TENM1: variants seen among roughly 807,000 people sequenced by gnomAD.
The protein encoded by TENM1 is teneurin-1.
TENM1 carries 35 observed loss-of-function variants against 174.8 expected under a neutral mutation model. The ratio of observed to expected loss-of-function variants is 0.20; its 90% CI spans 0.15 to 0.27. The LOEUF is 0.27. TENM1 is among the 10% of genes least tolerant of loss of function. The pLI is 1.00. For missense variants in TENM1, 1,633 were observed against 2,130.1 expected (o/e 0.77, Z 4.59); for synonymous variants, 781 against 798.7 (o/e 0.98, Z 0.37).
the TENM1 span, among the ~76,000 whole-genome samples, chrX:125,012,567 A>G: frequency 3.3e-3 from 366 of 112,027 alleles, 1 homozygote; most frequent in Non-Finnish European, 5.2e-3. Context: ...AGACAGTTCT[A>G]TAGTTTCTAA....
chrX:124,405,770 A>C (rs2060455839), intron 26 of TENM1, among the ~76,000 whole-genome samples: 2 of 110,920 alleles, frequency 1.8e-5, no homozygotes, highest in African/African-American at 6.6e-5. Context: ...GGCAGAGAGA[A>C]AGCAATTTCT....
intron 3 of TENM1, among the ~76,000 whole-genome samples, chrX:124,816,887 T>A (rs961835374): frequency 9.0e-6 from 1 of 111,213 alleles, no homozygotes; most frequent in African/African-American, 3.3e-5. Flanking sequence ...TTTCTTTTTT[T>A]AAAATTTAAA....
intron 22 of TENM1, among the ~76,000 whole-genome samples, chrX:124,454,935 T>C (rs964730785): frequency 2.7e-5 from 3 of 111,960 alleles, no homozygotes; most frequent in Non-Finnish European, 5.6e-5. Context: ...AACAAGCGTG[T>C]CCTTTTAGCA....
At chrX:124,646,896 G>T in intron 8 of TENM1, 86 bp from the exon 12 acceptor site, 1 of 647,107 alleles carries the variant, frequency 1.5e-6, no homozygotes, top group Non-Finnish European at 2.3e-6. Context: ...CAGGAACTCT[G>T]GACCTATGAC....
intron 8 of TENM1, 23 bp downstream of exon 11, chrX:124,651,891 A>G: frequency 1.7e-6 from 2 of 1,200,882 alleles, no homozygotes; most frequent in Non-Finnish European, 2.2e-6. Flanking sequence ...TGTCAATTCA[A>G]CATATTAGGC....
At chrX:124,652,312 A>G in intron 7 of TENM1, among the ~76,000 whole-genome samples, 188 bp from the exon 11 acceptor site, 1 of 111,089 alleles carries the variant, frequency 9.0e-6, no homozygotes, top group Non-Finnish European at 1.9e-5. Context: ...TAATCCCAAC[A>G]CTTTGGGAGG....
chrX:124,437,579 C>T (rs898475198), intron 23 of TENM1, among the ~76,000 whole-genome samples: 1 of 111,759 alleles, frequency 8.9e-6, no homozygotes, highest in South Asian at 3.8e-4. Flanking sequence ...CCATGTTATT[C>T]GGAGACACAA....
the TENM1 span, among the ~76,000 whole-genome samples, chrX:125,036,210 G>A: frequency 9.0e-6 from 1 of 111,495 alleles, no homozygotes; most frequent in Non-Finnish European, 1.9e-5. Context: ...ATTTCTACCT[G>A]ATTTCTCTTT....
chrX:124,524,296 A>G lies in TENM1; in HGVS notation c.2772-671T>C, dbSNP rs756267342. Among the ~76,000 whole-genome samples, 32 of 112,261 alleles carry G rather than the reference A, an allele frequency of 2.9e-4. No individual in the cohort carries two copies. The Admixed American group carries it at 2.9e-3, about 10-fold the overall frequency. On this transcript the variant is annotated intron_variant, in intron 16 of 31. Coordinates refer to ENST00000422452, the Ensembl canonical transcript of TENM1. ...GATAACAGAAAGATGACTATCTAACATTTAGCAGCATCTTTGAGAATGATG... is the reference window on the plus strand; with the variant it reads ...GATAACAGAAAGATGACTATCTAACGTTTAGCAGCATCTTTGAGAATGATG...
chrX:124,590,253 C>T (rs1446870862), intron 11 of TENM1, among the ~76,000 whole-genome samples: 1 of 111,350 alleles, frequency 9.0e-6, no homozygotes, highest in East Asian at 2.8e-4. Flanking sequence ...CCCAAAATCT[C>T]CTTAAGCTGA....
At chrX:124,795,555 GT>G (rs765812497) in intron 3 of TENM1, among the ~76,000 whole-genome samples, 5 of 111,454 alleles carry the variant, frequency 4.5e-5, no homozygotes, top group Non-Finnish European at 7.5e-5. Context: ...AATATAGCCT[GT>G]TTTTCTTTGT....
the TENM1 span, among the ~76,000 whole-genome samples, chrX:125,010,829 AC>A: frequency 3.4e-4 from 36 of 106,607 alleles, no homozygotes; most frequent in Non-Finnish European, 5.2e-4. Flanking sequence ...AAAAAAAAAA[AC>A]ATTTTAAATT....
intron 3 of TENM1, among the ~76,000 whole-genome samples, chrX:124,777,035 T>C (rs1188773086): frequency 8.9e-6 from 1 of 111,819 alleles, no homozygotes; most frequent in Non-Finnish European, 1.9e-5. Context: ...GCTTAAAATA[T>C]TGCTTTAAGA....
intron 5 of TENM1, among the ~76,000 whole-genome samples, chrX:124,696,524 ATC>A (rs200156861): frequency 3.7e-5 from 4 of 108,342 alleles, no homozygotes; most frequent in East Asian, 2.9e-4. Context: ...GACAGCTGGT[ATC>A]TCTCTCTCTC....
the TENM1 span, among the ~76,000 whole-genome samples, chrX:125,153,247 G>T: frequency 2.7e-5 from 3 of 111,526 alleles, no homozygotes; most frequent in Non-Finnish European, 5.7e-5. Flanking sequence ...GTAAAATGGA[G>T]ATTTTTTTAA....
chrX:124,966,005 A>T (rs1051961677), upstream of TENM1, among the ~76,000 whole-genome samples: 7 of 111,810 alleles, frequency 6.3e-5, no homozygotes, highest in African/African-American at 1.3e-4. Context: ...CTGTTTGCTC[A>T]GGCCAAAGAA....
At chrX:124,537,621 A>G (rs1163358905) in intron 15 of TENM1, among the ~76,000 whole-genome samples, 1 of 112,077 alleles carries the variant, frequency 8.9e-6, no homozygotes. Flanking sequence ...GGCTACCTGG[A>G]GAAATTTACC....
chrX:124,582,072 T>C (rs998117232), intron 11 of TENM1, among the ~76,000 whole-genome samples: 4 of 110,905 alleles, frequency 3.6e-5, no homozygotes, highest in Non-Finnish European at 5.7e-5. Context: ...GTGTGTGTTG[T>C]TCCCCCCCAT....
At chrX:124,440,082 T>C (rs1478552616) in intron 23 of TENM1, among the ~76,000 whole-genome samples, 1 of 111,778 alleles carries the variant, frequency 8.9e-6, no homozygotes, top group Admixed American at 9.5e-5. Flanking sequence ...ATTTTGTCTC[T>C]TGCATCCTCT....
Sources: allele counts gnomAD v4.1 joint callset (sites outside exome capture counted in the v4.1 genomes callset), GRCh38; gene constraint gnomAD v4.1.1; transcripts MANE v1.5; gene names NCBI Gene and HGNC (gene_info 2026-07-23, HGNC 2026-07-21).